The following CSGALNACT1 variants were observed in gnomAD, a reference collection of about 807,000 sequenced individuals.
CSGALNACT1 encodes the protein chondroitin sulfate N-acetylgalactosaminyltransferase 1.
Under a neutral mutation model 51.0 loss-of-function variants are expected in CSGALNACT1, and 52 were observed. The ratio of observed to expected loss-of-function variants is 1.02; its 90% confidence interval spans 0.82 to 1.29. The LOEUF (loss-of-function observed/expected upper bound fraction) is 1.29. Ranked by LOEUF, CSGALNACT1 falls within the 50% of genes most tolerant of loss-of-function variation. The pLI is 0.00. For synonymous variants in CSGALNACT1, 341 were observed against 254.4 expected, an observed-to-expected ratio of 1.34 and a Z score of -3.24; for missense variants, 935 against 679.2, an observed-to-expected ratio of 1.38 and a Z score of -4.19.
At chr8:19,537,408 T>G (rs1053960722) in intron 3 of CSGALNACT1, among the ~76,000 whole-genome samples, 1 of 152,228 alleles carries the variant, frequency 6.6e-6, no homozygotes, top group Admixed American at 6.5e-5. Context: ...GGCTGCCATT[T>G]TTTAAAGCAT....
chr8:19,577,274 A>C (rs1588594370), intron 3 of CSGALNACT1, among the ~76,000 whole-genome samples: 1 of 152,026 alleles, frequency 6.6e-6, no homozygotes, highest in Non-Finnish European at 1.5e-5. Context: ...AGAAAATCTC[A>C]ATTAGTAGCC....
At chr8:19,699,523 A>C (rs949397045) in intron 1 of CSGALNACT1, among the ~76,000 whole-genome samples, 5 of 152,236 alleles carry the variant, frequency 3.3e-5, no homozygotes, top group African/African-American at 1.2e-4. Context: ...TGCTGAGTAA[A>C]ATAAGCCCAT....
chr8:19,638,569 G>C (rs1236277086), intron 1 of CSGALNACT1, among the ~76,000 whole-genome samples: 1 of 151,898 alleles, frequency 6.6e-6, no homozygotes, highest in Admixed American at 6.6e-5. Flanking sequence ...AACAATAAGG[G>C]GCAAAGAAAT....
chr8:19,474,016 C>A (rs1038355745), intron 4 of CSGALNACT1, among the ~76,000 whole-genome samples: 3 of 152,162 alleles, frequency 2.0e-5, no homozygotes, highest in Admixed American at 6.5e-5. Context: ...TTTTGGAAAC[C>A]ATTCATTTAT....
At chr8:19,619,121 A>G (rs1293214614) in intron 1 of CSGALNACT1, among the ~76,000 whole-genome samples, 1 of 152,028 alleles carries the variant, frequency 6.6e-6, no homozygotes, top group African/African-American at 2.4e-5. Context: ...GGCACTACAG[A>G]GGAGCAAAGG....
At chr8:19,610,360 C>G (rs1299780283) in intron 1 of CSGALNACT1, among the ~76,000 whole-genome samples, 1 of 150,734 alleles carries the variant, frequency 6.6e-6, no homozygotes, top group Non-Finnish European at 1.5e-5. Context: ...AAGGCGTGGT[C>G]CCTGGCTAGG....
At chr8:19,630,830 G>A (rs2154169594) in intron 1 of CSGALNACT1, among the ~76,000 whole-genome samples, 1 of 150,968 alleles carries the variant, frequency 6.6e-6, no homozygotes, top group East Asian at 1.9e-4. Flanking sequence ...ACTAAGAACA[G>A]TTTTAGGGTT....
chr8:19,752,017 C>A (rs1480102597), intron 1 of CSGALNACT1, among the ~76,000 whole-genome samples: 1 of 147,782 alleles, frequency 6.8e-6, no homozygotes, highest in East Asian at 2.0e-4. Context: ...TAAAAATTGT[C>A]TATAGTAGAT....
chr8:19,740,144 G>A (rs1236124702), intron 1 of CSGALNACT1, among the ~76,000 whole-genome samples: 2 of 152,138 alleles, frequency 1.3e-5, no homozygotes, highest in Non-Finnish European at 2.9e-5. Flanking sequence ...GTGCCTCCTG[G>A]GCAGAGGCCA....
intron 1 of CSGALNACT1, among the ~76,000 whole-genome samples, chr8:19,620,882 A>C (rs1464135374): frequency 6.6e-6 from 1 of 152,208 alleles, no homozygotes; most frequent in African/African-American, 2.4e-5. Context: ...GGAGCATCAG[A>C]GGGAACATGG....
intron 3 of CSGALNACT1, among the ~76,000 whole-genome samples, chr8:19,549,318 A>C (rs183898370): frequency 6.6e-6 from 1 of 152,188 alleles, no homozygotes; most frequent in Admixed American, 6.5e-5. Context: ...ACTAAGCCCA[A>C]TGATGCACTG....
At chr8:19,404,742 C>G (rs2053826531) in exon 10 of CSGALNACT1, 1 of 454,274 alleles carries the variant, frequency 2.2e-6, no homozygotes, top group Non-Finnish European at 4.4e-6. Context: ...GAAAGCGGTC[C>G]CTACTTCTGA....
At chr8:19,654,923 G>A (rs574839395) in intron 1 of CSGALNACT1, among the ~76,000 whole-genome samples, 1 of 151,884 alleles carries the variant, frequency 6.6e-6, no homozygotes, top group African/African-American at 2.4e-5. Context: ...AGATTTCAAA[G>A]AAAGTATTCC....
At chr8:19,428,506 C>T (rs747800674) in intron 6 of CSGALNACT1, among the ~76,000 whole-genome samples, 1 of 152,112 alleles carries the variant, frequency 6.6e-6, no homozygotes, top group African/African-American at 2.4e-5. Flanking sequence ...AATGCTCTCT[C>T]GCCAGGTCCC....
chr8:19,598,721 G>C (rs375919034), intron 2 of CSGALNACT1, among the ~76,000 whole-genome samples: 1 of 152,168 alleles, frequency 6.6e-6, no homozygotes, highest in East Asian at 1.9e-4. Context: ...AATGGGAAAG[G>C]AAAGTTCTGC....
intron 1 of CSGALNACT1, among the ~76,000 whole-genome samples, chr8:19,681,402 C>T (rs990030092): frequency 1.3e-5 from 2 of 152,116 alleles, no homozygotes; most frequent in Non-Finnish European, 1.5e-5. Flanking sequence ...TCCTTCGCGC[C>T]CCCATCCCCA....
At chr8:19,444,253 C>A (rs1454663653) in intron 5 of CSGALNACT1, among the ~76,000 whole-genome samples, 1 of 152,144 alleles carries the variant, frequency 6.6e-6, no homozygotes, top group Non-Finnish European at 1.5e-5. Flanking sequence ...TAACACCCAA[C>A]GCAATGTAAA....
At chr8:19,428,565 C>T (rs1329961044) in intron 6 of CSGALNACT1, among the ~76,000 whole-genome samples, 4 of 152,142 alleles carry the variant, frequency 2.6e-5, no homozygotes, top group Admixed American at 6.5e-5. Flanking sequence ...GATGAGACTT[C>T]GGTGGGAACA....
At chr8:19,674,042 C>A (rs1327332829) in intron 1 of CSGALNACT1, among the ~76,000 whole-genome samples, 1 of 152,200 alleles carries the variant, frequency 6.6e-6, no homozygotes, top group East Asian at 1.9e-4. Context: ...CATCCCAACA[C>A]TTTGGGAGGC....
Sources: allele counts gnomAD v4.1 joint callset (sites outside exome capture counted in the v4.1 genomes callset), GRCh38; gene constraint gnomAD v4.1.1; transcripts MANE v1.5; gene names NCBI Gene and HGNC (gene_info 2026-07-23, HGNC 2026-07-21).